ZNF536: variants seen among roughly 807,000 people sequenced by gnomAD.
The protein encoded by ZNF536 is zinc finger protein 536.
ZNF536 carries 13 observed loss-of-function variants against 84.5 expected under a neutral mutation model. The observed-to-expected ratio is 0.15, with a 90% CI of 0.10 to 0.24. ZNF536 has a LOEUF of 0.24. Ranked by LOEUF, ZNF536 falls within the 10% of genes least tolerant of loss-of-function variation. ZNF536 has a pLI of 1.00. For synonymous variants in ZNF536, 811 were observed against 742.5 expected, an observed-to-expected ratio of 1.09 and a Z score of -1.50; for missense variants, 1,536 against 1,747.5, an observed-to-expected ratio of 0.88 and a Z score of 2.16.
At chr19:30,632,127 G>C in intron 1 of ZNF536, among the ~76,000 whole-genome samples, 1 of 152,180 alleles carries the variant, frequency 6.6e-6, no homozygotes. Context: ...ACTATTAACT[G>C]TGAGTAATAG....
chr19:30,440,695 G>A (rs753958448), intron 1 of ZNF536, among the ~76,000 whole-genome samples: 13 of 152,156 alleles, frequency 8.5e-5, no homozygotes, highest in Non-Finnish European at 1.9e-4. Context: ...GCCTCAGACA[G>A]GGTGGGCACA....
chr19:30,432,421 C>T (rs2147993938), intron 1 of ZNF536, among the ~76,000 whole-genome samples: 1 of 152,230 alleles, frequency 6.6e-6, no homozygotes, highest in East Asian at 1.9e-4. Flanking sequence ...AGGATCACTT[C>T]CAGCCCGGGT....
At position 30,280,637 on chromosome 19, in the gene ZNF536, G is replaced by A. The variant is rs183509003; in HGVS notation, c.-189-3435G>A. Among the ~76,000 whole-genome samples, 29 of 152,372 alleles carry A rather than the reference G, an allele frequency of 1.9e-4. No individual in the cohort carries two copies. The East Asian group carries it at 4.6e-3, about 24-fold the overall frequency. On this transcript the variant is annotated intron_variant, in intron 1 of 5. Coordinates refer to the ZNF536 transcript ENST00000585628. Reference sequence around the variant, plus strand: ...AGGAAACTCGCTGGCCTGGAGGACCGCTCTGTGCTAAACTCAGGGCCCATC... The same window carrying A: ...AGGAAACTCGCTGGCCTGGAGGACCACTCTGTGCTAAACTCAGGGCCCATC...
intron 1 of ZNF536, among the ~76,000 whole-genome samples, chr19:30,428,669 G>A (rs960118151): frequency 1.3e-5 from 2 of 152,038 alleles, no homozygotes; most frequent in African/African-American, 4.8e-5. Flanking sequence ...GGCACCTGGA[G>A]GTGGGGGTGG....
intron 1 of ZNF536, among the ~76,000 whole-genome samples, chr19:30,414,729 T>G (rs1488913296): frequency 6.6e-6 from 1 of 152,250 alleles, no homozygotes; most frequent in African/African-American, 2.4e-5. Flanking sequence ...ACCCATTATT[T>G]GAACTTAAAT....
At chr19:30,667,395 G>T (rs1381596788) in intron 1 of ZNF536, among the ~76,000 whole-genome samples, 6 of 152,116 alleles carry the variant, frequency 3.9e-5, no homozygotes, top group Non-Finnish European at 5.9e-5. Context: ...GGGGGCACCT[G>T]CACCCTCCCA....
intron 1 of ZNF536, among the ~76,000 whole-genome samples, chr19:30,249,086 CA>C (rs2024458802): frequency 6.6e-6 from 1 of 152,182 alleles, no homozygotes; most frequent in South Asian, 2.1e-4. Flanking sequence ...TCTGTGCTCA[CA>C]AAAGCACCTT....
chr19:30,354,062 G>A (rs1211171055), intron 3 of ZNF536, among the ~76,000 whole-genome samples: 1 of 152,222 alleles, frequency 6.6e-6, no homozygotes, highest in African/African-American at 2.4e-5. Context: ...AGAGAAGGAT[G>A]AACTACCTGC....
intron 1 of ZNF536, among the ~76,000 whole-genome samples, chr19:30,707,550 C>A (rs1438039068): frequency 6.6e-6 from 1 of 152,168 alleles, no homozygotes; most frequent in Non-Finnish European, 1.5e-5. Flanking sequence ...GGTTGGCTGT[C>A]AGGAAGGGCC....
At chr19:30,336,783 G>A (rs1271969562) in intron 2 of ZNF536, among the ~76,000 whole-genome samples, 1 of 152,208 alleles carries the variant, frequency 6.6e-6, no homozygotes, top group Non-Finnish European at 1.5e-5. Flanking sequence ...GACCCCTGAT[G>A]TTATTTTAAG....
chr19:30,685,215 G>A (rs535614012), intron 1 of ZNF536, among the ~76,000 whole-genome samples: 180 of 152,288 alleles, frequency 1.2e-3, no homozygotes, highest in Non-Finnish European at 2.0e-3. Flanking sequence ...TGGATTTTCT[G>A]CTCTGAGGGT....
At chr19:30,536,844 G>T (rs778969701) in intron 3 of ZNF536, among the ~76,000 whole-genome samples, 3 of 152,150 alleles carry the variant, frequency 2.0e-5, no homozygotes, top group Non-Finnish European at 4.4e-5. Flanking sequence ...TGAACTCAGG[G>T]TCTTTGCCCT....
chr19:30,554,931 T>C (rs2146335996), intron 4 of ZNF536: 1 of 152,342 alleles, frequency 6.6e-6, no homozygotes, highest in South Asian at 2.1e-4. Flanking sequence ...TCATCATCAG[T>C]GGCAGGGCCC....
At position 30,513,232 on chromosome 19, in the gene ZNF536, C is replaced by T. The variant is rs534030299; in HGVS notation, c.2171-21615C>T. 7.2e-5 allele frequency among the ~76,000 whole-genome samples: 11 copies of T among 152,222 alleles called. No individual in the cohort carries two copies. In the South Asian group the frequency reaches 2.3e-3, roughly 32 times the overall value. ...GCTGCTCTCTAGCAATTAATGGAAG[C>T]AGGGTGTGGCTAGATGAGGGTTTGC... On this transcript the variant is annotated intron_variant, in intron 2 of 4. Transcript: ENST00000355537.
At chr19:30,585,770 C>T (rs548167989) in intron 1 of ZNF536, among the ~76,000 whole-genome samples, 8 of 152,232 alleles carry the variant, frequency 5.3e-5, no homozygotes, top group African/African-American at 1.2e-4. Context: ...CCCTCCTACC[C>T]GTCATTTCAG....
At chr19:30,384,101 T>TC (rs1333323810) in intron 1 of ZNF536, among the ~76,000 whole-genome samples, 3 of 34,102 alleles carry the variant, frequency 8.8e-5, no homozygotes, top group African/African-American at 5.6e-4. Flanking sequence ...CCTCTTTCTC[T>TC]TTCTTTCTTT....
chr19:30,559,166 G>A (rs1334196452), downstream of ZNF536, among the ~76,000 whole-genome samples: 6 of 152,226 alleles, frequency 3.9e-5, no homozygotes, highest in Non-Finnish European at 8.8e-5. Context: ...AGAAAATGTC[G>A]ATTGTGAAGA....
At chr19:30,478,948 G>A (rs576094025) in intron 2 of ZNF536, among the ~76,000 whole-genome samples, 5 of 152,272 alleles carry the variant, frequency 3.3e-5, no homozygotes, top group East Asian at 1.9e-4. Flanking sequence ...ATTTTTGCCT[G>A]TCTGGGGACC....
intron 1 of ZNF536, among the ~76,000 whole-genome samples, chr19:30,638,582 C>A (rs1257889210): frequency 6.6e-6 from 1 of 152,206 alleles, no homozygotes; most frequent in Non-Finnish European, 1.5e-5. Flanking sequence ...GTGCTAAAAA[C>A]CATTCAAGAG....
Sources: gnomAD v4.1 joint callset for allele counts (sites outside exome capture counted in the v4.1 genomes callset) on GRCh38, gnomAD v4.1.1 for gene constraint, MANE v1.5 for transcripts, NCBI Gene and HGNC (gene_info 2026-07-23, HGNC 2026-07-21) for gene names.